Variants in SERTAD4 observed in about 807,000 individuals in gnomAD.
SERTAD4 encodes the protein SERTA domain containing 4, also known as SERTA domain-containing protein 4.
In SERTAD4, 18 loss-of-function variants were observed where a neutral mutation model predicts 32.9. The observed-to-expected ratio is 0.55, with a 90% CI of 0.38 to 0.81. The LOEUF is 0.81. Among genes scored for constraint, SERTAD4 ranks in the 30% least tolerant of loss-of-function variants. The pLI is 0.00. For synonymous variants in SERTAD4, 150 were observed against 156.4 expected, an observed-to-expected ratio of 0.96 and a Z score of 0.30; for missense variants, 383 against 426.0, an observed-to-expected ratio of 0.90 and a Z score of 0.89.
Position 210,241,555 on chromosome 1 carries a change from TAGA to T in SERTAD4, c.292-2_292del. On this transcript the variant is annotated splice_acceptor_variant and coding_sequence_variant, in exon 4 of 4. Transcript: ENST00000367012. LOFTEE classifies it high-confidence loss of function. The stretch of plus-strand genomic sequence containing the variant: ...TTTTCTTTTTTTTTTTTTTGGTTTG[TAGA>T]CCATCTCAATTTTTGAGGAACGAGC... The T allele has an allele frequency of 1.3e-6, 2 of 1,532,056 alleles. No individual in the cohort carries two copies. The highest frequency in any genetic ancestry group is 1.7e-6 in the Non-Finnish European group (2 of 1,145,994). 94.9% of individuals were successfully genotyped at this position (1,532,056 alleles called of 1,614,324 possible). A position where few individuals can be genotyped will look rare whatever the true frequency, so the allele number is the denominator to read the frequency against.
chr1:210,241,489 T>A, intron 3 of SERTAD4, 69 bp from the exon 4 acceptor site: 3 of 1,435,620 alleles, frequency 2.1e-6, no homozygotes, highest in Non-Finnish European at 2.8e-6. Flanking sequence ...TTTCATATAG[T>A]CCATTTTCTA....
chr1:210,242,924 A>G lies in SERTAD4; in HGVS notation c.*587A>G, dbSNP rs539965422. 9 of 985,828 alleles carry G rather than the reference A, an allele frequency of 9.1e-6. No homozygotes were observed. The highest frequency in any genetic ancestry group is 1.1e-5 in the Non-Finnish European group (9 of 830,098). 61.1% of individuals were successfully genotyped at this position (985,828 alleles called of 1,614,324 possible). The stretch of plus-strand genomic sequence containing the variant: ...TCTAGGGGCGGCAATCAACAGTCTT[A>G]CACAGAGAGGGTATTCCCTGCAAGT... On this transcript the variant is annotated 3_prime_UTR_variant, in exon 4 of 4. Transcript: ENST00000367012. The surrounding 1 kb of genome is among the most constrained non-coding windows in gnomAD (Gnocchi z 4.0).
Position 210,243,672 on chromosome 1 carries a change from C to T in SERTAD4, c.*1335C>T, listed in dbSNP as rs1429579780. 2.6e-5 allele frequency: 4 copies of T among 152,092 alleles called. No individual in the cohort carries two copies. Among genetic ancestry groups the T allele is most frequent in the South Asian group, 4.1e-4 (2 of 4,826 alleles). 9.4% of individuals were successfully genotyped at this position (152,092 alleles called of 1,614,324 possible). A position where few individuals can be genotyped will look rare whatever the true frequency, so the allele number is the denominator to read the frequency against. On this transcript the variant is annotated 3_prime_UTR_variant, in exon 4 of 4. Coordinates refer to ENST00000367012, the MANE Select transcript of SERTAD4 (RefSeq NM_019605.5). Reference sequence around the variant, plus strand: ...CATTTGAAAAGTGTTCAGAGTGGCCCTCCTACCATCCTTCCTTCCACTCCA... The same window carrying T: ...CATTTGAAAAGTGTTCAGAGTGGCCTTCCTACCATCCTTCCTTCCACTCCA...
intron 3 of SERTAD4, among the ~76,000 whole-genome samples, chr1:210,241,248 C>G (rs1399902122): frequency 6.6e-6 from 1 of 152,100 alleles, no homozygotes; most frequent in Non-Finnish European, 1.5e-5. Flanking sequence ...CCTTATTGGG[C>G]CATAATAGAT....
In SERTAD4 at chr1:210,237,998, C is replaced by T. The variant is rs144468837; in HGVS notation, c.38C>T (p.Pro13Leu). 1 of 1,613,606 alleles carries T rather than the reference C, an allele frequency of 6.2e-7. No homozygotes were observed. The highest frequency in any genetic ancestry group is 1.3e-5 in the African/African-American group (1 of 74,816). ...CTGTCCATGAATAGATTCTGCGAGCCCATTGTCTCGGAAGGAGCTGCTGAA... is the reference window on the plus strand; with the variant it reads ...CTGTCCATGAATAGATTCTGCGAGCTCATTGTCTCGGAAGGAGCTGCTGAA... ...LVLSMNRFCE[P>L]IVSEGAAEIA... Residue 13 changes from proline to leucine, a missense_variant, in exon 2 of 4, where the codon CCC becomes CTC. Physicochemically the swap from Pro to Leu is moderately conservative, Grantham distance 98. Coordinates refer to ENST00000367012, the MANE Select transcript of SERTAD4 (RefSeq NM_019605.5).
chr1:210,236,681 C>T (rs1371717678), intron 1 of SERTAD4, among the ~76,000 whole-genome samples: 7 of 152,126 alleles, frequency 4.6e-5, no homozygotes, highest in African/African-American at 1.7e-4. Context: ...AAAGCAAGAA[C>T]TGGGCCCTTA....
At chr1:210,238,307 G>A (rs1571547867) in intron 2 of SERTAD4, among the ~76,000 whole-genome samples, 172 bp downstream of exon 2, 1 of 152,362 alleles carries the variant, frequency 6.6e-6, no homozygotes, top group South Asian at 2.1e-4. Context: ...GCTCCAGAGA[G>A]AGGACCAGAG....
At chr1:210,233,857 G>A (rs1446997430) in intron 1 of SERTAD4, 1 of 467,368 alleles carries the variant, frequency 2.1e-6, no homozygotes, top group Non-Finnish European at 4.4e-6. Context: ...AGGGAAGGCC[G>A]GGCCGACATC....
chr1:210,239,461 T>G, intron 2 of SERTAD4, 32 bp from the exon 3 acceptor site: 1 of 1,300,002 alleles, frequency 7.7e-7, no homozygotes, highest in Non-Finnish European at 1.1e-6. Context: ...GCAAACCGCA[T>G]GTCATTTGTC....
In SERTAD4 at chr1:210,246,071, G is replaced by A; in HGVS notation, c.*3734G>A. On this transcript the variant is annotated 3_prime_UTR_variant, in exon 4 of 4. Coordinates refer to ENST00000367012, the MANE Select transcript of SERTAD4 (RefSeq NM_019605.5). ...AGATTTTTTCAGAGACAAGCATTCA[G>A]CATGGCATTAGTAATGATGGTTTAA... The A allele has an allele frequency of 7.6e-6, 2 of 261,756 alleles. No homozygotes were observed. The highest frequency in any genetic ancestry group is 1.2e-5 in the Non-Finnish European group (2 of 168,640). The allele number at this position is 261,756 out of a possible 1,614,324, so 16.2% of individuals were successfully genotyped here.
chr1:210,241,858 C>G lies in SERTAD4; in HGVS notation c.592C>G (p.His198Asp). The change falls in exon 4 of 4, where the codon CAC becomes GAC. Residue 198 changes from histidine to aspartate, a missense_variant. Transcript: ENST00000367012. ...ACCFYQECGG[H>D]YLNLPLSVNA... Reference sequence around the variant, plus strand: ...CTGCTTTTACCAAGAATGTGGTGGCCACTACCTAAATTTACCCCTTTCTGT... The same window carrying G: ...CTGCTTTTACCAAGAATGTGGTGGCGACTACCTAAATTTACCCCTTTCTGT... 1.9e-6 allele frequency: 3 copies of G among 1,614,132 alleles called. No individual in the cohort carries two copies. Among genetic ancestry groups the G allele is most frequent in the Non-Finnish European group, 2.5e-6 (3 of 1,180,026 alleles).
chr1:210,243,114 A>AAAAAACC lies in SERTAD4; in HGVS notation c.*778_*779insAAAACCA. On this transcript the variant is annotated 3_prime_UTR_variant, in exon 4 of 4. Coordinates refer to ENST00000367012, the MANE Select transcript of SERTAD4 (RefSeq NM_019605.5). The stretch of plus-strand genomic sequence containing the variant: ...AGGACAAAAAAAAAAAAAAAAAAAA[A>AAAAAACC]ACCACAGGGTGGATCAATATGGTTT... The AAAAAACC allele has an allele frequency of 2.9e-6, 2 of 695,640 alleles. No homozygotes were observed. The highest frequency in any genetic ancestry group is 3.5e-6 in the Non-Finnish European group (2 of 567,224). The allele number at this position is 695,640 out of a possible 1,614,324, so 43.1% of individuals were successfully genotyped here. A position where few individuals can be genotyped will look rare whatever the true frequency, so the allele number is the denominator to read the frequency against.
chr1:210,238,460 G>A (rs2083965181), intron 2 of SERTAD4, among the ~76,000 whole-genome samples: 1 of 152,186 alleles, frequency 6.6e-6, no homozygotes, highest in Admixed American at 6.5e-5. Flanking sequence ...GGAACTGTAT[G>A]GTTCTCTCAC....
intron 1 of SERTAD4, among the ~76,000 whole-genome samples, chr1:210,236,563 C>T (rs1335840719): frequency 2.0e-5 from 3 of 152,120 alleles, no homozygotes; most frequent in Admixed American, 2.0e-4. Flanking sequence ...CCTCTTTTTC[C>T]TTGGAAGTGG....
chr1:210,233,946 C>A, intron 1 of SERTAD4: 1 of 419,618 alleles, frequency 2.4e-6, no homozygotes, highest in Non-Finnish European at 4.7e-6. Flanking sequence ...TCCTTGGAAT[C>A]CTACCTTTGG....
At chr1:210,233,936 T>G (rs1204913693) in intron 1 of SERTAD4, 3 of 425,122 alleles carry the variant, frequency 7.1e-6, no homozygotes, top group Non-Finnish European at 1.4e-5. Flanking sequence ...GTGAGTCATT[T>G]CCTTGGAATC....
intron 1 of SERTAD4, among the ~76,000 whole-genome samples, chr1:210,236,641 A>G (rs1168704231): frequency 2.0e-5 from 3 of 152,234 alleles, no homozygotes; most frequent in African/African-American, 7.2e-5. Context: ...TCTTTCCCAG[A>G]AACATTACAA....
intron 1 of SERTAD4, among the ~76,000 whole-genome samples, chr1:210,234,894 A>G (rs918159053): frequency 3.3e-5 from 5 of 152,238 alleles, no homozygotes; most frequent in African/African-American, 1.2e-4. Context: ...AACAAATTGT[A>G]TAGAAATGCC....
Position 210,243,093 on chromosome 1 carries a change from C to CAAAAAAAAAAAAA in SERTAD4, c.*766_*778dup, listed in dbSNP as rs57426441. The CAAAAAAAAAAAAA allele has an allele frequency of 6.2e-6, 3 of 486,532 alleles. No homozygotes were observed. The highest frequency in any genetic ancestry group is 3.1e-5 in the African/African-American group (1 of 32,010). The allele number at this position is 486,532 out of a possible 1,614,324, so 30.1% of individuals were successfully genotyped here. A position where few individuals can be genotyped will look rare whatever the true frequency, so the allele number is the denominator to read the frequency against. On this transcript the variant is annotated 3_prime_UTR_variant, in exon 4 of 4. Coordinates refer to ENST00000367012, the MANE Select transcript of SERTAD4 (RefSeq NM_019605.5). ...TACAGCAGGGATTTAACAAACAGGA[C>CAAAAAAAAAAAAA]AAAAAAAAAAAAAAAAAAAAAACCA...
Sources: allele counts gnomAD v4.1 joint callset (sites outside exome capture counted in the v4.1 genomes callset), GRCh38; gene constraint gnomAD v4.1.1; non-coding constraint Gnocchi (gnomAD v3.1); transcripts MANE v1.5; gene names NCBI Gene and HGNC (gene_info 2026-07-23, HGNC 2026-07-21).